The following MAFF variants were observed in gnomAD, a reference collection of about 807,000 sequenced individuals.
MAFF encodes the protein transcription factor MafF.
Under a neutral mutation model 2.7 loss-of-function variants are expected in MAFF, and 4 were observed. The ratio of observed to expected loss-of-function variants is 1.48; its 90% CI spans 0.73 to 3.39. MAFF has a LOEUF of 3.39. MAFF is among the 30% of genes most tolerant of loss of function. The pLI, the probability that MAFF is intolerant of heterozygous loss-of-function variation, is 0.01. For missense variants in MAFF, 190 were observed against 246.6 expected (o/e 0.77, Z 1.54); for synonymous variants, 113 against 119.4 (o/e 0.95, Z 0.35).
In MAFF at chr22:38,214,282, G is replaced by T. The variant is rs1236828234; in HGVS notation, c.37-138G>T. The T allele has an allele frequency of 2.3e-6, 2 of 856,816 alleles. No individual in the cohort carries two copies. Among genetic ancestry groups the T allele is most frequent in the South Asian group, 1.8e-5 (1 of 55,566 alleles). The allele number at this position is 856,816 out of a possible 1,614,324, so 53.1% of individuals were successfully genotyped here. Reference sequence around the variant, plus strand: ...AGTCTGGCCCGGTTTCCCCTTCCCGGATTCCTGCTCCCCTTCGGGGTTTTG... The same window carrying T: ...AGTCTGGCCCGGTTTCCCCTTCCCGTATTCCTGCTCCCCTTCGGGGTTTTG... On this transcript the variant is annotated intron_variant, in intron 2 of 2. Transcript: ENST00000338483. The surrounding 1 kb of genome is among the most constrained non-coding windows in gnomAD (Gnocchi z 6.3).
In MAFF at chr22:38,213,876, G is replaced by C; in HGVS notation, c.23G>C (p.Ser8Thr). ...AACATGTCTGTGGATCCCCTATCCA[G>C]CAAAGCTCTAAAGGTGAGGAGGCAG... is the stretch of plus-strand genomic sequence containing the variant. The part of the protein sequence containing the change: MSVDPLS[S>T]KALKIKRELS... The change falls in exon 2 of 3, where the codon AGC becomes ACC. Residue 8 changes from serine to threonine, a missense_variant. Around this residue, in one of 2 missense-constraint regions of MAFF, gnomAD observed 87 missense variants for 143.6 expected, o/e 0.61. Transcript: ENST00000338483. 6.2e-7 allele frequency: 1 copy of C among 1,614,200 alleles called. No individual in the cohort carries two copies. The highest frequency in any genetic ancestry group is 1.3e-5 in the African/African-American group (1 of 75,062).
rs2091142783 is a variant in MAFF, at chr22:38,215,638, G to A, written c.*760G>A. 6.0e-6 allele frequency: 1 copy of A among 167,370 alleles called. No homozygotes were observed. Among genetic ancestry groups the A allele is most frequent in the African/African-American group, 2.4e-5 (1 of 41,476 alleles). 10.4% of individuals were successfully genotyped at this position (167,370 alleles called of 1,614,324 possible). A position where few individuals can be genotyped will look rare whatever the true frequency, so the allele number is the denominator to read the frequency against. Reference sequence around the variant, plus strand: ...GACACGGATGGAAGAGTGGGAAGGAGCTGGCCTGGCTCAGCCCTAGGCTGT... The same window carrying A: ...GACACGGATGGAAGAGTGGGAAGGAACTGGCCTGGCTCAGCCCTAGGCTGT... On this transcript the variant is annotated 3_prime_UTR_variant, in exon 3 of 3. Coordinates refer to ENST00000338483, the MANE Select transcript of MAFF (RefSeq NM_012323.4).
At position 38,202,418 on chromosome 22, in the gene MAFF, G is replaced by C. The variant is rs935951696; in HGVS notation, c.-32+206G>C. On this transcript the variant is annotated intron_variant, in intron 1 of 2. Coordinates refer to ENST00000338483, the MANE Select transcript of MAFF (RefSeq NM_012323.4). The surrounding 1 kb of genome is among the most constrained non-coding windows in gnomAD (Gnocchi z 7.4). The stretch of plus-strand genomic sequence containing the variant: ...GGCCGAGGCCAGCTCGGGGGAGTGG[G>C]GGTGGAGACGGGGCCCCTTCCCGGG... 2 of 152,002 alleles carry C rather than the reference G, an allele frequency of 1.3e-5. No homozygotes were observed. Among genetic ancestry groups the C allele is most frequent in the African/African-American group, 4.8e-5 (2 of 41,414 alleles). 9.4% of individuals were successfully genotyped at this position (152,002 alleles called of 1,614,324 possible). A position where few individuals can be genotyped will look rare whatever the true frequency, so the allele number is the denominator to read the frequency against.
Position 38,214,412 on chromosome 22 carries a change from G to T in MAFF, c.37-8G>T. 1 of 1,578,978 alleles carries T rather than the reference G, an allele frequency of 6.3e-7. No individual in the cohort carries two copies. Reference sequence around the variant, plus strand: ...GTCCCCTGGACCTCAGTTTCCTCATGCCCGCAGATCAAGCGAGAGCTGAGC... The same window carrying T: ...GTCCCCTGGACCTCAGTTTCCTCATTCCCGCAGATCAAGCGAGAGCTGAGC... On this transcript the variant is annotated splice_region_variant and splice_polypyrimidine_tract_variant and intron_variant, in intron 2 of 2. Coordinates refer to ENST00000338483, the MANE Select transcript of MAFF (RefSeq NM_012323.4). This position sits in a 1 kb window ranked among gnomAD's most constrained non-coding sequence, Gnocchi z 6.3.
chr22:38,213,422 T>G (rs1602337126), intron 1 of MAFF: 13 of 314,634 alleles, frequency 4.1e-5, no homozygotes, highest in East Asian at 8.2e-5. Context: ...GGAGGAGGAG[T>G]GGGAAGGAGA....
intron 1 of MAFF, among the ~76,000 whole-genome samples, chr22:38,209,122 G>C (rs771550323): frequency 6.6e-6 from 1 of 151,920 alleles, no homozygotes; most frequent in African/African-American, 2.4e-5. Flanking sequence ...CTGGAGTGCA[G>C]TGTCGCGATC....
chr22:38,214,567 C>T lies in MAFF; in HGVS notation c.184C>T (p.Arg62Cys). The T allele has an allele frequency of 6.2e-7, 1 of 1,603,242 alleles. No homozygotes were observed. The highest frequency in any genetic ancestry group is 8.5e-7 in the Non-Finnish European group (1 of 1,175,982). The change falls in exon 3 of 3, where the codon CGT becomes TGT. Residue 62 changes from arginine (R) to cysteine (C), a missense_variant. By Grantham distance (180) the Arg-to-Cys change is radical. Around this residue, in one of 2 missense-constraint regions of MAFF, gnomAD observed 87 missense variants for 143.6 expected, o/e 0.61. Coordinates refer to ENST00000338483, the MANE Select transcript of MAFF (RefSeq NM_012323.4). The surrounding 1 kb of genome is among the most constrained non-coding windows in gnomAD (Gnocchi z 6.3). ...LKQRRRTLKNRGYAASCRVKR... is the reference protein window; with the variant it reads ...LKQRRRTLKNCGYAASCRVKR... ...GCAGCGGCGCCGCACACTCAAAAACCGTGGCTACGCCGCCAGCTGCCGCGT... is the reference window on the plus strand; with the variant it reads ...GCAGCGGCGCCGCACACTCAAAAACTGTGGCTACGCCGCCAGCTGCCGCGT...
intron 1 of MAFF, among the ~76,000 whole-genome samples, chr22:38,207,135 T>TA (rs2091058036): frequency 2.0e-5 from 3 of 151,958 alleles, no homozygotes; most frequent in African/African-American, 7.3e-5. Flanking sequence ...TTATTATTAT[T>TA]TTTGAGATGG....
chr22:38,209,098 C>T (rs1018761433), intron 1 of MAFF, among the ~76,000 whole-genome samples: 23 of 151,576 alleles, frequency 1.5e-4, no homozygotes, highest in Middle Eastern at 6.8e-3. Flanking sequence ...TGGAGTATCA[C>T]TCTGTCGCCC....
rs769751288 is a variant in MAFF at position 38,214,814 on chromosome 22, C to G, written c.431C>G (p.Pro144Arg). 1.3e-6 allele frequency: 2 copies of G among 1,490,408 alleles called. No individual in the cohort carries two copies. Among genetic ancestry groups the G allele is most frequent in the Non-Finnish European group, 1.8e-6 (2 of 1,125,750 alleles). 92.3% of individuals were successfully genotyped at this position (1,490,408 alleles called of 1,614,324 possible). ...ASVITIVKSTPGSGSGPAHGP... is the reference protein window; with the variant it reads ...ASVITIVKSTRGSGSGPAHGP... ...GTCATCACCATCGTCAAGTCCACCCCGGGCTCGGGGTCTGGCCCCGCCCAC... is the reference window on the plus strand; with the variant it reads ...GTCATCACCATCGTCAAGTCCACCCGGGGCTCGGGGTCTGGCCCCGCCCAC... The change falls in exon 3 of 3, where the codon CCG (proline) becomes CGG (arginine). Residue 144 changes from proline to arginine, a missense_variant. This residue lies in a region of MAFF where 103 missense variants were observed against 103.0 expected (regional missense o/e 1.00). Coordinates refer to ENST00000338483, the MANE Select transcript of MAFF (RefSeq NM_012323.4). The surrounding 1 kb of genome is among the most constrained non-coding windows in gnomAD (Gnocchi z 6.3).
At position 38,215,287 on chromosome 22, in the gene MAFF, C is replaced by T. The variant is rs2091139811; in HGVS notation, c.*409C>T. ...GCTAGGTTTGGCTGTCTGTGACTTACGGGACCGTCCTGCTGAGAAATTGCA... is the reference window on the plus strand; with the variant it reads ...GCTAGGTTTGGCTGTCTGTGACTTATGGGACCGTCCTGCTGAGAAATTGCA... On this transcript the variant is annotated 3_prime_UTR_variant, in exon 3 of 3. Coordinates refer to ENST00000338483, the MANE Select transcript of MAFF (RefSeq NM_012323.4). The T allele has an allele frequency of 2.2e-5, 4 of 185,762 alleles. No individual in the cohort carries two copies. The highest frequency in any genetic ancestry group is 1.3e-4 in the South Asian group (1 of 7,598). The allele number at this position is 185,762 out of a possible 1,614,324, so 11.5% of individuals were successfully genotyped here.
intron 1 of MAFF, chr22:38,204,092 GAGA>G (rs1415519706): frequency 6.6e-6 from 1 of 152,192 alleles, no homozygotes; most frequent in African/African-American, 2.4e-5. Context: ...AGTTAGCACT[GAGA>G]AGTTTAACTT....
At position 38,215,097 on chromosome 22, in the gene MAFF, G is replaced by A. The variant is rs950303020; in HGVS notation, c.*219G>A. ...ACTTGGGTAGGTTGGGGATGGGGCA[G>A]AGGTCTGGATCTGGGATCGCCCTTG... On this transcript the variant is annotated 3_prime_UTR_variant, in exon 3 of 3. Transcript: ENST00000338483. 2.8e-5 allele frequency: 14 copies of A among 506,522 alleles called. No individual in the cohort carries two copies. Among genetic ancestry groups the A allele is most frequent in the Non-Finnish European group, 5.1e-5 (14 of 275,920 alleles). 31.4% of individuals were successfully genotyped at this position (506,522 alleles called of 1,614,324 possible).
At chr22:38,203,794 T>C (rs2091032443) in intron 1 of MAFF, 1 of 152,236 alleles carries the variant, frequency 6.6e-6, no homozygotes, top group South Asian at 2.1e-4. Flanking sequence ...CACTGGGAAC[T>C]AGGTAACAGC....
intron 1 of MAFF, among the ~76,000 whole-genome samples, chr22:38,204,806 T>C (rs1204421494): frequency 6.6e-6 from 1 of 152,174 alleles, no homozygotes; most frequent in Non-Finnish European, 1.5e-5. Context: ...GGTTGAGGCC[T>C]GAGGACCCTA....
At chr22:38,204,830 C>A (rs956769707) in intron 1 of MAFF, among the ~76,000 whole-genome samples, 1 of 152,038 alleles carries the variant, frequency 6.6e-6, no homozygotes, top group Non-Finnish European at 1.5e-5. Flanking sequence ...TGTTGGCTTG[C>A]GGGGAGGCTG....
At chr22:38,211,230 CT>C (rs61328776) in intron 1 of MAFF, among the ~76,000 whole-genome samples, 140 of 139,958 alleles carry the variant, frequency 1.0e-3, no homozygotes, top group African/African-American at 2.5e-3. Context: ...GGAGCACTTT[CT>C]TTTTTTTTTT....
rs1318301726 is a variant in MAFF at position 38,214,599 on chromosome 22, C to G, written c.216C>G (p.Arg72=). 6.3e-7 allele frequency: 1 copy of G among 1,585,192 alleles called. No homozygotes were observed. ...RGYAASCRVK[R]VCQKEELQKQ... is the part of the protein sequence containing the mutation. ...ACGCCGCCAGCTGCCGCGTGAAGCG[C>G]GTGTGCCAGAAGGAGGAGCTGCAGA... Residue 72 remains arginine, a synonymous_variant, in exon 3 of 3, where the codon CGC becomes CGG. Coordinates refer to ENST00000338483, the MANE Select transcript of MAFF (RefSeq NM_012323.4). The surrounding 1 kb of genome is among the most constrained non-coding windows in gnomAD (Gnocchi z 6.3).
chr22:38,210,090 G>A (rs1407631699), intron 1 of MAFF, among the ~76,000 whole-genome samples: 2 of 152,230 alleles, frequency 1.3e-5, no homozygotes, highest in South Asian at 2.1e-4. Flanking sequence ...GTGGGGGGTC[G>A]CAGCTCAGGG....
Sources: allele counts gnomAD v4.1 joint callset (sites outside exome capture counted in the v4.1 genomes callset), GRCh38; gene constraint gnomAD v4.1.1; regional missense constraint gnomAD v4.1.1; non-coding constraint Gnocchi (gnomAD v3.1); transcripts MANE v1.5; gene names NCBI Gene and HGNC (gene_info 2026-07-23, HGNC 2026-07-21).